Variants in CRYBG3 observed in about 807,000 individuals in gnomAD.
CRYBG3 encodes the protein crystallin beta-gamma domain containing 3, also known as very large A-kinase anchor protein.
Under a neutral mutation model 244.2 loss-of-function variants are expected in CRYBG3, and 127 were observed. The observed-to-expected ratio is 0.52, with a 90% confidence interval of 0.45 to 0.60. The LOEUF (loss-of-function observed/expected upper bound fraction) is 0.60, where lower values mean the gene tolerates loss of function less well. Ranked by LOEUF, CRYBG3 falls within the 20% of genes least tolerant of loss-of-function variation. The pLI is 0.00. For missense variants in CRYBG3, 3,325 were observed against 3,442.5 expected, an observed-to-expected ratio of 0.97 and a Z score of 0.85; for synonymous variants, 1,132 against 1,195.8, an observed-to-expected ratio of 0.95 and a Z score of 1.10.
chr3:97,899,223 G>A lies in CRYBG3; in HGVS notation c.7931G>A (p.Gly2644Glu). 6.2e-7 allele frequency: 1 copy of A among 1,613,646 alleles called. No homozygotes were observed. Among genetic ancestry groups the A allele is most frequent in the Non-Finnish European group, 8.5e-7 (1 of 1,179,786 alleles). Residue 2644 changes from glycine to glutamate, a missense_variant, in exon 14 of 22, where the codon GGA becomes GAA. Transcript: ENST00000389622. The part of the protein sequence containing the change: ...GKYKCFFDWG[G>E]SNNIIMSIRP... ...TACAAATGCTTTTTTGACTGGGGAG[G>A]ATCAAATAATATAATCATGTCGATA...
chr3:97,854,167 C>G (rs2108189096), intron 2 of CRYBG3, among the ~76,000 whole-genome samples: 1 of 152,188 alleles, frequency 6.6e-6, no homozygotes, highest in East Asian at 1.9e-4. Flanking sequence ...CTATTCTGTT[C>G]CTTTGGTCAA....
At chr3:97,915,374 T>C (rs1575962958) in intron 16 of CRYBG3, among the ~76,000 whole-genome samples, 2 of 152,264 alleles carry the variant, frequency 1.3e-5, no homozygotes, top group South Asian at 2.1e-4. Context: ...CATAGAATTA[T>C]TAAGGACACC....
intron 3 of CRYBG3, among the ~76,000 whole-genome samples, chr3:97,866,638 G>A (rs1360943138): frequency 1.3e-5 from 2 of 152,106 alleles, no homozygotes; most frequent in East Asian, 3.9e-4. Context: ...ATAATTTTGA[G>A]GTTGTTACAG....
chr3:97,833,829 T>C (rs1056395579), intron 1 of CRYBG3, among the ~76,000 whole-genome samples: 2 of 152,178 alleles, frequency 1.3e-5, no homozygotes, highest in Non-Finnish European at 2.9e-5. Flanking sequence ...AGAAAAGGGA[T>C]TTATTTGGCT....
intron 1 of CRYBG3, among the ~76,000 whole-genome samples, chr3:97,833,770 G>T (rs1247853810): frequency 2.0e-5 from 3 of 152,108 alleles, no homozygotes; most frequent in Admixed American, 1.3e-4. Context: ...CGCTGTCATA[G>T]TCTGTGTTCT....
At chr3:97,936,374 C>T (rs1245691646) in intron 18 of CRYBG3, among the ~76,000 whole-genome samples, 1 of 151,878 alleles carries the variant, frequency 6.6e-6, no homozygotes, top group Non-Finnish European at 1.5e-5. Flanking sequence ...GAAGATATGT[C>T]TGGAGAGTTC....
intron 17 of CRYBG3, among the ~76,000 whole-genome samples, chr3:97,923,499 G>A (rs905420705): frequency 4.6e-5 from 7 of 151,748 alleles, no homozygotes; most frequent in Non-Finnish European, 8.8e-5. Flanking sequence ...CTGAAACAGC[G>A]CTCTTTAAAT....
intron 7 of CRYBG3, among the ~76,000 whole-genome samples, chr3:97,883,487 C>T (rs1293879871): frequency 6.6e-6 from 1 of 152,280 alleles, no homozygotes; most frequent in Middle Eastern, 3.4e-3. Context: ...TCTCACCCCC[C>T]CCACCAAAAT....
intron 2 of CRYBG3, among the ~76,000 whole-genome samples, chr3:97,861,299 G>A (rs535763617): frequency 6.6e-6 from 1 of 152,162 alleles, no homozygotes; most frequent in African/African-American, 2.4e-5. Flanking sequence ...TGCAAAGAAG[G>A]TTTCTCTACA....
intron 3 of CRYBG3, among the ~76,000 whole-genome samples, chr3:97,866,040 A>G (rs2039225952): frequency 6.6e-6 from 1 of 152,218 alleles, no homozygotes; most frequent in Non-Finnish European, 1.5e-5. Flanking sequence ...AATATAAACA[A>G]ATCTTTCAAA....
At chr3:97,869,784 A>G (rs1342977939) in intron 3 of CRYBG3, among the ~76,000 whole-genome samples, 1 of 152,098 alleles carries the variant, frequency 6.6e-6, no homozygotes, top group African/African-American at 2.4e-5. Flanking sequence ...AACTAACATA[A>G]TTTTTTACAA....
At chr3:97,926,738 C>T (rs915487226) in intron 17 of CRYBG3, among the ~76,000 whole-genome samples, 2 of 152,032 alleles carry the variant, frequency 1.3e-5, no homozygotes, top group African/African-American at 4.8e-5. Flanking sequence ...GATACAAAAT[C>T]AGTGTAGAAA....
chr3:97,889,087 G>C (rs2039542234), intron 9 of CRYBG3, among the ~76,000 whole-genome samples: 4 of 152,176 alleles, frequency 2.6e-5, no homozygotes, highest in Admixed American at 2.0e-4. Context: ...CTAAAGCTCA[G>C]TTTCCTTCCT....
chr3:97,872,569 A>G lies in CRYBG3; in HGVS notation c.1375A>G (p.Asn459Asp), dbSNP rs1245616413. 1 of 1,536,008 alleles carries G rather than the reference A, an allele frequency of 6.5e-7. No homozygotes were observed. Among genetic ancestry groups the G allele is most frequent in the Non-Finnish European group, 8.7e-7 (1 of 1,146,834 alleles). The change falls in exon 4 of 22, where the codon AAT becomes GAT. Residue 459 changes from asparagine (N) to aspartate (D), a missense_variant. By Grantham distance (23) the Asn-to-Asp change is conservative (BLOSUM62 1). Around this residue, in one of 4 missense-constraint regions of CRYBG3, gnomAD observed 1,526 missense variants for 1,443.2 expected, o/e 1.06. Transcript: ENST00000389622. ...GGAAAGTACAAATTTGCCAAGTCCA[A>G]ATAAATCAATTAGGCATGAACATCT... Reference protein sequence around the residue: ...EQESTNLPSPNKSIRHEHLQL... With the variant: ...EQESTNLPSPDKSIRHEHLQL...
Position 97,864,498 on chromosome 3 carries a change from G to A in CRYBG3, c.498G>A (p.Gly166=), listed in dbSNP as rs1208461739. 1.3e-6 allele frequency: 2 copies of A among 1,535,868 alleles called. No individual in the cohort carries two copies. Among genetic ancestry groups the A allele is most frequent in the South Asian group, 1.2e-5 (1 of 84,030 alleles). ...LQNPSDHHED[G]IKREREIFSG... is the part of the protein sequence containing the mutation. ...ATCCCAGTGACCATCATGAAGACGG[G>A]ATCAAAAGGGAGAGAGAGATTTTCA... Residue 166 remains glycine, a synonymous_variant, in exon 3 of 22, where the codon GGG becomes GGA. Coordinates refer to ENST00000389622, the MANE Select transcript of CRYBG3 (RefSeq NM_153605.4).
Position 97,877,701 on chromosome 3 carries a change from G to A in CRYBG3, c.6507G>A (p.Glu2169=). ...GAGATCTGAGAGCTGGAAGTGGGGA[G>A]CGTGTTACCTTCCAGTTGCCAGATC... ...HKGDLRAGSG[E]RVTFQLPDPS... Residue 2169 remains glutamate (E), a synonymous_variant, in exon 4 of 22, where the codon GAG becomes GAA. Transcript: ENST00000389622. 1 of 1,614,012 alleles carries A rather than the reference G, an allele frequency of 6.2e-7. No homozygotes were observed. Among genetic ancestry groups the A allele is most frequent in the Admixed American group, 1.7e-5 (1 of 60,012 alleles).
chr3:97,863,431 G>A (rs1246998697), intron 2 of CRYBG3, among the ~76,000 whole-genome samples: 1 of 152,134 alleles, frequency 6.6e-6, no homozygotes, highest in Non-Finnish European at 1.5e-5. Context: ...CAGGCAAAAT[G>A]GACTTCTGCA....
intron 3 of CRYBG3, among the ~76,000 whole-genome samples, chr3:97,869,981 A>G (rs374296038): frequency 2.6e-5 from 4 of 152,300 alleles, no homozygotes; most frequent in African/African-American, 9.6e-5. Flanking sequence ...AAAGTTGGCA[A>G]TAAAATGTAT....
Position 97,936,859 on chromosome 3 carries a change from C to G in CRYBG3, c.8456C>G (p.Thr2819Arg). The G allele has an allele frequency of 1.2e-6, 2 of 1,612,978 alleles. No individual in the cohort carries two copies. Among genetic ancestry groups the G allele is most frequent in the Non-Finnish European group, 1.7e-6 (2 of 1,179,332 alleles). ...AGGCCTAATGAGATCCCAAACTGGACAGCATTCAGCAGATGGAAAACAATT... is the reference window on the plus strand; with the variant it reads ...AGGCCTAATGAGATCCCAAACTGGAGAGCATTCAGCAGATGGAAAACAATT... ...LLRPNEIPNW[T>R]AFSRWKTIGS... Residue 2819 changes from threonine (T) to arginine (R), a missense_variant, in exon 19 of 22, where the codon ACA becomes AGA. By Grantham distance (71) the Thr-to-Arg change is moderately conservative (BLOSUM62 -1). This residue lies in a region of CRYBG3 where 714 missense variants were observed against 803.6 expected (regional missense o/e 0.89). Coordinates refer to ENST00000389622, the MANE Select transcript of CRYBG3 (RefSeq NM_153605.4).
Sources: gnomAD v4.1 joint callset for allele counts (sites outside exome capture counted in the v4.1 genomes callset) on GRCh38, gnomAD v4.1.1 for gene constraint, gnomAD v4.1.1 regional missense constraint, MANE v1.5 for transcripts, NCBI Gene and HGNC (gene_info 2026-07-23, HGNC 2026-07-21) for gene names.